CC2D2A: variants seen among roughly 807,000 people sequenced by gnomAD.
The protein encoded by CC2D2A is coiled-coil and C2 domain-containing protein 2A.
Under a neutral mutation model 212.9 loss-of-function variants are expected in CC2D2A, and 155 were observed. The observed-to-expected ratio is 0.73, with a 90% CI of 0.64 to 0.83. The LOEUF (loss-of-function observed/expected upper bound fraction) is 0.83, where lower values mean the gene tolerates loss of function less well. CC2D2A is among the 40% of genes least tolerant of loss of function. CC2D2A has a pLI of 0.00. For missense variants in CC2D2A, 1,856 were observed against 1,956.2 expected (o/e 0.95, Z 0.97); for synonymous variants, 667 against 686.5 (o/e 0.97, Z 0.44).
chr4:15,498,433 G>A (rs1715738042), intron 4 of CC2D2A, among the ~76,000 whole-genome samples: 1 of 152,096 alleles, frequency 6.6e-6, no homozygotes, highest in Admixed American at 6.5e-5. Flanking sequence ...GATTTTCTTA[G>A]CTGTGTCAAA....
chr4:15,517,016 C>T (rs995522494), intron 11 of CC2D2A, among the ~76,000 whole-genome samples: 20 of 140,720 alleles, frequency 1.4e-4, no homozygotes, highest in East Asian at 2.2e-4. Flanking sequence ...GGCGCGATCT[C>T]GGCTCACTGC....
At chr4:15,543,040 C>T (rs940231627) in intron 17 of CC2D2A, among the ~76,000 whole-genome samples, 16 of 152,122 alleles carry the variant, frequency 1.1e-4, no homozygotes, top group African/African-American at 3.9e-4. Flanking sequence ...CACCCAAGGT[C>T]AACCGCCTTG....
chr4:15,569,503 G>A, intron 27 of CC2D2A, 114 bp downstream of exon 27: 4 of 637,646 alleles, frequency 6.3e-6, no homozygotes, highest in South Asian at 4.0e-5. Flanking sequence ...ATCCTTTCTT[G>A]GATATCACAC....
chr4:15,477,687 A>T (rs773079576), intron 2 of CC2D2A, among the ~76,000 whole-genome samples: 12 of 152,202 alleles, frequency 7.9e-5, no homozygotes, highest in Admixed American at 2.0e-4. Context: ...GAAGGAGTCC[A>T]GAGTGAGGAT....
Position 15,574,169 on chromosome 4 carries a change from T to C in CC2D2A, c.3614T>C (p.Ile1205Thr). 6.5e-7 allele frequency: 1 copy of C among 1,546,222 alleles called. No individual in the cohort carries two copies. The highest frequency in any genetic ancestry group is 8.7e-7 in the Non-Finnish European group (1 of 1,145,122). Residue 1205 changes from isoleucine (I) to threonine (T), a missense_variant, in exon 29 of 37, where the codon ATA becomes ACA. Transcript: ENST00000424120. ...TCACAGATTGATGGAACATTTAAAA[T>C]AGATATTCCCCCAGTTCTTCTGGGC... ...FQARIDGTFK[I>T]DIPPVLLGYS...
intron 11 of CC2D2A, among the ~76,000 whole-genome samples, chr4:15,522,186 G>A (rs1717244371): frequency 6.6e-6 from 1 of 152,222 alleles, no homozygotes; most frequent in Admixed American, 6.5e-5. Flanking sequence ...GGTTGACAGA[G>A]CGAGACCTTG....
chr4:15,560,395 T>C, intron 22 of CC2D2A, 136 bp from the exon 23 acceptor site: 1 of 554,362 alleles, frequency 1.8e-6, no homozygotes, highest in South Asian at 2.6e-5. Flanking sequence ...GAGACCAGCA[T>C]TGCAGAGGAA....
At chr4:15,503,054 T>TG in intron 6 of CC2D2A, 131 bp downstream of exon 6, 1 of 601,736 alleles carries the variant, frequency 1.7e-6, no homozygotes. Context: ...TAATACACTT[T>TG]GGGAGACTGA....
intron 4 of CC2D2A, among the ~76,000 whole-genome samples, chr4:15,499,512 A>G (rs1230359959): frequency 6.6e-6 from 1 of 152,186 alleles, no homozygotes; most frequent in East Asian, 1.9e-4. Flanking sequence ...AAAAATTGTC[A>G]ATGTTTTTAA....
chr4:15,496,578 T>C (rs1008951201), intron 4 of CC2D2A, among the ~76,000 whole-genome samples: 16 of 152,162 alleles, frequency 1.1e-4, no homozygotes, highest in African/African-American at 3.9e-4. Context: ...ACTATCTCTC[T>C]TCGCAAGCGA....
chr4:15,511,917 A>G (rs1199328548), intron 8 of CC2D2A, among the ~76,000 whole-genome samples: 2 of 152,236 alleles, frequency 1.3e-5, no homozygotes, highest in Non-Finnish European at 2.9e-5. Context: ...AAGGTATTGA[A>G]TAGACATTTC....
chr4:15,485,943 C>T (rs1425927742), intron 4 of CC2D2A, among the ~76,000 whole-genome samples: 4 of 151,954 alleles, frequency 2.6e-5, no homozygotes, highest in African/African-American at 9.7e-5. Flanking sequence ...TTCCTTCATT[C>T]TGTTGATATG....
rs758922645 is a variant in CC2D2A, at chr4:15,563,324, T to C, written c.3015-31T>C. 9 of 1,555,026 alleles carry C rather than the reference T, an allele frequency of 5.8e-6. 1 individual carries two copies. In the South Asian group the frequency reaches 9.5e-5, roughly 16 times the overall value. On this transcript the variant is annotated intron_variant, in intron 23 of 36. Coordinates refer to ENST00000424120, the MANE Select transcript of CC2D2A (RefSeq NM_001378615.1). ...CAATTTTGCAGACCTTTCTTTTTCTTAGAGTCCTGATCCTGTTCTGTAATC... is the reference window on the plus strand; with the variant it reads ...CAATTTTGCAGACCTTTCTTTTTCTCAGAGTCCTGATCCTGTTCTGTAATC...
At chr4:15,558,844 C>T (rs1719422985) in intron 21 of CC2D2A, among the ~76,000 whole-genome samples, 1 of 152,136 alleles carries the variant, frequency 6.6e-6, no homozygotes, top group African/African-American at 2.4e-5. Context: ...TTACTTAAAA[C>T]AGAAAAGGCA....
intron 29 of CC2D2A, among the ~76,000 whole-genome samples, chr4:15,578,807 TG>T (rs144882640): frequency 0.14 from 16,814 of 121,204 alleles, 1,197 homozygotes; most frequent in East Asian, 0.36. Flanking sequence ...TTTGTTTGTT[TG>T]TTTGTTTGTT....
chr4:15,487,020 T>G (rs1459883138), intron 4 of CC2D2A, among the ~76,000 whole-genome samples: 4 of 152,120 alleles, frequency 2.6e-5, no homozygotes, highest in Non-Finnish European at 5.9e-5. Context: ...CCTGATATGA[T>G]TTCAACTTTT....
chr4:15,524,065 A>G (rs1371349259), intron 11 of CC2D2A, among the ~76,000 whole-genome samples: 1 of 152,134 alleles, frequency 6.6e-6, no homozygotes, highest in African/African-American at 2.4e-5. Context: ...CTTTGTTGCT[A>G]TTATTTTTTC....
rs541172980 is a variant in CC2D2A, at chr4:15,565,728, C to T, written c.3183-1649C>T. Among the ~76,000 whole-genome samples, 10 of 152,298 alleles carry T rather than the reference C, an allele frequency of 6.6e-5. No individual in the cohort carries two copies. In the South Asian group the frequency reaches 1.0e-3, roughly 16 times the overall value. On this transcript the variant is annotated intron_variant, in intron 24 of 36. Transcript: ENST00000424120. ...GGCTCAAGAGATCCTCCTCCCTCAA[C>T]CTCCCAAGTAGCTAAGACTACAGGT...
At chr4:15,485,758 T>C (rs1013600383) in intron 4 of CC2D2A, among the ~76,000 whole-genome samples, 1 of 152,224 alleles carries the variant, frequency 6.6e-6, no homozygotes, top group Non-Finnish European at 1.5e-5. Context: ...GTTGGCCATT[T>C]GTATGTCTTC....
Sources: gnomAD v4.1 joint callset for allele counts (sites outside exome capture counted in the v4.1 genomes callset) on GRCh38, gnomAD v4.1.1 for gene constraint, MANE v1.5 for transcripts, NCBI Gene and HGNC (gene_info 2026-07-23, HGNC 2026-07-21) for gene names.